The following UBE2L3 variants were observed in gnomAD, a reference collection of about 807,000 sequenced individuals.
UBE2L3 encodes the protein ubiquitin conjugating enzyme E2 L3.
Under a neutral mutation model 17.8 loss-of-function variants are expected in UBE2L3, and 1 was observed. The observed-to-expected ratio is 0.06, with a 90% CI of 0.02 to 0.27. The LOEUF is 0.27. Ranked by LOEUF, UBE2L3 falls within the 10% of genes least tolerant of loss-of-function variation. The pLI is 1.00. For synonymous variants in UBE2L3, 44 were observed against 68.5 expected, an observed-to-expected ratio of 0.64 and a Z score of 1.76; for missense variants, 40 against 192.6, an observed-to-expected ratio of 0.21 and a Z score of 4.69.
At chr22:21,602,329 T>C (rs1159162949) in intron 2 of UBE2L3, among the ~76,000 whole-genome samples, 1 of 152,170 alleles carries the variant, frequency 6.6e-6, no homozygotes, top group African/African-American at 2.4e-5. Flanking sequence ...TGTGGTGTCC[T>C]ACAGCCAGCT....
chr22:21,569,298 A>G (rs1013109597), intron 1 of UBE2L3, among the ~76,000 whole-genome samples: 2 of 147,296 alleles, frequency 1.4e-5, no homozygotes, highest in Non-Finnish European at 3.0e-5. Flanking sequence ...CGGGAGGCTG[A>G]GGTGGAAGAG....
At position 21,621,904 on chromosome 22, in the gene UBE2L3, C is replaced by A. The variant is rs1476636778; in HGVS notation, c.*235C>A. 2.5e-5 allele frequency: 11 copies of A among 443,480 alleles called. No homozygotes were observed. In the East Asian group the frequency reaches 4.9e-4, roughly 20 times the overall value. 27.5% of individuals were successfully genotyped at this position (443,480 alleles called of 1,614,324 possible). A position where few individuals can be genotyped will look rare whatever the true frequency, so the allele number is the denominator to read the frequency against. ...GCTCTCTTTGTTTTAAAAATCACTG[C>A]TTCAATCTACTTCAAAAGAATGGTG... is the stretch of plus-strand genomic sequence containing the variant. On this transcript the variant is annotated 3_prime_UTR_variant, in exon 4 of 4. Coordinates refer to ENST00000342192, the MANE Select transcript of UBE2L3 (RefSeq NM_003347.4).
At chr22:21,562,017 C>A (rs548927723) in intron 1 of UBE2L3, among the ~76,000 whole-genome samples, 1 of 152,014 alleles carries the variant, frequency 6.6e-6, no homozygotes, top group Non-Finnish European at 1.5e-5. Context: ...TTTCCTTGTC[C>A]TCTTGCCTAC....
intron 1 of UBE2L3, among the ~76,000 whole-genome samples, chr22:21,584,721 G>A (rs1927842884): frequency 1.3e-5 from 2 of 151,088 alleles, no homozygotes; most frequent in South Asian, 4.2e-4. Context: ...AGCACTTTGG[G>A]AGGCCGAGGC....
chr22:21,567,678 G>C, upstream of UBE2L3: 1 of 1,553,536 alleles, frequency 6.4e-7, no homozygotes, highest in Admixed American at 2.0e-5. Flanking sequence ...GCTCCAGGAA[G>C]TGCGGGGGCT....
chr22:21,620,176 A>G (rs1280112933), intron 3 of UBE2L3, among the ~76,000 whole-genome samples: 2 of 151,548 alleles, frequency 1.3e-5, no homozygotes, highest in Non-Finnish European at 2.9e-5. Context: ...AATCCCAACT[A>G]CTCTCAAGGC....
chr22:21,575,807 C>A (rs1279588039), intron 1 of UBE2L3, among the ~76,000 whole-genome samples: 2 of 150,946 alleles, frequency 1.3e-5, no homozygotes, highest in African/African-American at 2.4e-5. Context: ...CCATACCCGG[C>A]TGATTTTTGT....
intron 1 of UBE2L3, among the ~76,000 whole-genome samples, chr22:21,556,695 C>T (rs1307343757): frequency 1.3e-5 from 2 of 149,770 alleles, no homozygotes; most frequent in African/African-American, 5.0e-5. Flanking sequence ...CTCCTGACCT[C>T]GAGCAATCCA....
At chr22:21,612,643 CTTTTTTTTTT>C (rs57678378) in intron 3 of UBE2L3, among the ~76,000 whole-genome samples, 765 of 52,510 alleles carry the variant, frequency 0.015, 18 homozygotes, top group African/African-American at 0.043. Flanking sequence ...CTTTTCTTTT[CTTTTTTTTTT>C]TTTTTTTTTT....
chr22:21,586,772 C>T (rs571034907), intron 1 of UBE2L3, among the ~76,000 whole-genome samples: 196 of 150,836 alleles, frequency 1.3e-3, no homozygotes, highest in Middle Eastern at 6.9e-3. Context: ...TTTACCATGT[C>T]GGCCAGGCTG....
In UBE2L3 at chr22:21,623,051, A is replaced by C. The variant is rs1174183711; in HGVS notation, c.*1382A>C. The stretch of plus-strand genomic sequence containing the variant: ...ACACCCCAAGGAAGCCGACGATCCA[A>C]ATGCCGTGTGTCACCAACCCCGCTT... On this transcript the variant is annotated 3_prime_UTR_variant, in exon 4 of 4. Transcript: ENST00000342192. 6.6e-6 allele frequency: 1 copy of C among 152,300 alleles called. No individual in the cohort carries two copies. The highest frequency in any genetic ancestry group is 2.4e-5 in the African/African-American group (1 of 41,438). The allele number at this position is 152,300 out of a possible 1,614,324, so 9.4% of individuals were successfully genotyped here. A position where few individuals can be genotyped will look rare whatever the true frequency, so the allele number is the denominator to read the frequency against.
At chr22:21,614,686 A>C in intron 3 of UBE2L3, 1 of 1,332,306 alleles carries the variant, frequency 7.5e-7, no homozygotes, top group Non-Finnish European at 1.0e-6. Flanking sequence ...TGGAAGAAAT[A>C]GTAATATGAA....
upstream of UBE2L3, among the ~76,000 whole-genome samples, chr22:21,564,245 G>T (rs571613461): frequency 8.6e-5 from 13 of 151,932 alleles, no homozygotes; most frequent in Non-Finnish European, 1.5e-4. Flanking sequence ...TGTTGCCCAG[G>T]ATGGTCTCAA....
At chr22:21,577,702 C>T (rs753681658) in intron 1 of UBE2L3, among the ~76,000 whole-genome samples, 11 of 152,300 alleles carry the variant, frequency 7.2e-5, no homozygotes, top group East Asian at 3.9e-4. Flanking sequence ...ATTTCAGATT[C>T]GGTGGCTGTT....
rs1313462423 is a variant in UBE2L3, at chr22:21,622,828, CAG to C, written c.*1162_*1163del. ...TCTCCCTTCGGACTCACAGCCTTTGCAGAGTCAAGCTCCACTTGAAGCTCACT... is the reference window on the plus strand; with the variant it reads ...TCTCCCTTCGGACTCACAGCCTTTGCAGTCAAGCTCCACTTGAAGCTCACT... On this transcript the variant is annotated 3_prime_UTR_variant, in exon 4 of 4. Coordinates refer to ENST00000342192, the MANE Select transcript of UBE2L3 (RefSeq NM_003347.4). The C allele has an allele frequency of 2.6e-5, 4 of 152,804 alleles. No individual in the cohort carries two copies. Among genetic ancestry groups the C allele is most frequent in the Non-Finnish European group, 5.9e-5 (4 of 68,066 alleles). The allele number at this position is 152,804 out of a possible 1,614,324, so 9.5% of individuals were successfully genotyped here. A position where few individuals can be genotyped will look rare whatever the true frequency, so the allele number is the denominator to read the frequency against.
intron 1 of UBE2L3, among the ~76,000 whole-genome samples, chr22:21,581,180 A>T (rs577467316): frequency 3.1e-4 from 47 of 151,250 alleles, no homozygotes; most frequent in African/African-American, 9.7e-4. Flanking sequence ...TCAGCCCCCC[A>T]AGTAGCTGAA....
rs543104915 is a variant in UBE2L3, at chr22:21,577,937, C to T, written c.27+10166C>T. On this transcript the variant is annotated intron_variant, in intron 1 of 3. Coordinates refer to ENST00000342192, the MANE Select transcript of UBE2L3 (RefSeq NM_003347.4). ...TAATGTCAGGGCTCATGTGATGCTC[C>T]ATCTTTCTGAGAGGAGACCACCTGA... is the stretch of plus-strand genomic sequence containing the variant. Among the ~76,000 whole-genome samples the T allele has an allele frequency of 4.5e-4, 68 of 152,264 alleles. 1 individual carries two copies. In the South Asian group the frequency reaches 5.0e-3, roughly 11 times the overall value.
chr22:21,621,036 G>A (rs1488536221), intron 3 of UBE2L3, among the ~76,000 whole-genome samples: 1 of 152,184 alleles, frequency 6.6e-6, no homozygotes, highest in Non-Finnish European at 1.5e-5. Flanking sequence ...GGTGGTGCAC[G>A]ACTGTAGTCC....
At chr22:21,584,927 C>T (rs1391258867) in intron 1 of UBE2L3, among the ~76,000 whole-genome samples, 1 of 152,180 alleles carries the variant, frequency 6.6e-6, no homozygotes, top group Non-Finnish European at 1.5e-5. Context: ...CGCCTCCACA[C>T]TCCAGCCTGG....
Sources: gnomAD v4.1 joint callset for allele counts (sites outside exome capture counted in the v4.1 genomes callset) on GRCh38, gnomAD v4.1.1 for gene constraint, MANE v1.5 for transcripts, NCBI Gene and HGNC (gene_info 2026-07-23, HGNC 2026-07-21) for gene names.